The following MED1 variants were observed in gnomAD, a reference collection of about 807,000 sequenced individuals.
MED1 encodes mediator of RNA polymerase II transcription subunit 1.
In MED1, 17 loss-of-function variants were observed where a neutral mutation model predicts 121.3. The ratio of observed to expected loss-of-function variants is 0.14; its 90% CI spans 0.10 to 0.21. The LOEUF (loss-of-function observed/expected upper bound fraction) is 0.21. Among genes scored for constraint, MED1 ranks in the 10% least tolerant of loss-of-function variants. MED1 has a pLI of 1.00. For synonymous variants in MED1, 661 were observed against 694.4 expected (o/e 0.95, Z 0.76); for missense variants, 1,558 against 1,919.4 (o/e 0.81, Z 3.52).
chr17:39,431,241 T>C (rs989019767), intron 8 of MED1, 53 bp from the exon 9 acceptor site: 1 of 1,424,164 alleles, frequency 7.0e-7, no homozygotes, highest in Non-Finnish European at 9.9e-7. Context: ...ATGGTCTTGG[T>C]ACACACTGTG....
chr17:39,451,198 T>C lies in MED1; in HGVS notation c.-136A>G, dbSNP rs2048779506. On this transcript the variant is annotated 5_prime_UTR_variant, in exon 1 of 17. Transcript: ENST00000300651. ...CTACTCTTCCCGGGAAGGATCAATC[T>C]GAAGTCCCCGGCGGCAAGAAGAGAA... is the stretch of plus-strand genomic sequence containing the variant. The C allele has an allele frequency of 6.1e-6, 6 of 977,600 alleles. No homozygotes were observed. Among genetic ancestry groups the C allele is most frequent in the Non-Finnish European group, 9.2e-6 (6 of 649,492 alleles). The allele number at this position is 977,600 out of a possible 1,614,324, so 60.6% of individuals were successfully genotyped here.
At chr17:39,448,135 CTT>C (rs71353582) in intron 1 of MED1, among the ~76,000 whole-genome samples, 20 of 140,064 alleles carry the variant, frequency 1.4e-4, no homozygotes, top group Non-Finnish European at 1.7e-4. Context: ...ATCTATCCAC[CTT>C]TTTTTTTTTT....
At position 39,423,803 on chromosome 17, in the gene MED1, TGAG is replaced by T. The variant is rs1306980533; in HGVS notation, c.867_869del (p.Ser290del). 4 of 1,612,242 alleles carry T rather than the reference TGAG, an allele frequency of 2.5e-6. No individual in the cohort carries two copies. Among genetic ancestry groups the T allele is most frequent in the Admixed American group, 1.7e-5 (1 of 59,540 alleles). ...GATCAACACTGTTGGCACTGGTGAT[TGAG>T]GAGAAGGAAGGGGTCCTTCAAAAAA... On this transcript the variant is annotated inframe_deletion, in exon 12 of 17. Coordinates refer to ENST00000300651, the MANE Select transcript of MED1 (RefSeq NM_004774.4).
At chr17:39,428,143 G>A (rs2048532309) in intron 9 of MED1, among the ~76,000 whole-genome samples, 1 of 152,086 alleles carries the variant, frequency 6.6e-6, no homozygotes, top group Non-Finnish European at 1.5e-5. Context: ...GAGGAGAGAA[G>A]TTCAAGACCA....
At chr17:39,446,720 G>A (rs932797946) in intron 2 of MED1, among the ~76,000 whole-genome samples, 3 of 151,410 alleles carry the variant, frequency 2.0e-5, no homozygotes, top group Non-Finnish European at 4.4e-5. Context: ...GTTGCAGTGA[G>A]CCGAGATCGC....
At chr17:39,423,006 C>T (rs1355456536) in intron 13 of MED1, among the ~76,000 whole-genome samples, 1 of 151,196 alleles carries the variant, frequency 6.6e-6, no homozygotes, top group Non-Finnish European at 1.5e-5. Context: ...GCTGGGATTA[C>T]AGGCACCCGC....
intron 10 of MED1, among the ~76,000 whole-genome samples, chr17:39,426,673 T>A (rs961147550): frequency 6.6e-6 from 1 of 151,822 alleles, no homozygotes; most frequent in Non-Finnish European, 1.5e-5. Context: ...TAGCTGGGAT[T>A]ACAAGCATGG....
intron 1 of MED1, among the ~76,000 whole-genome samples, chr17:39,450,524 T>C (rs906329096): frequency 6.6e-6 from 1 of 152,190 alleles, no homozygotes; most frequent in African/African-American, 2.4e-5. Context: ...CTTAGTAAAG[T>C]TCCACAGAAA....
intron 13 of MED1, among the ~76,000 whole-genome samples, chr17:39,422,913 T>A (rs1466585225): frequency 1.5e-5 from 2 of 137,618 alleles, no homozygotes; most frequent in Admixed American, 1.6e-4. Flanking sequence ...TCACCCAGGC[T>A]GGAGCACAAT....
chr17:39,417,990 G>C (rs369379652), intron 14 of MED1, among the ~76,000 whole-genome samples: 9 of 149,484 alleles, frequency 6.0e-5, no homozygotes, highest in African/African-American at 2.0e-4. Flanking sequence ...AGAGGCTGAC[G>C]CAGGAGAATC....
At position 39,436,940 on chromosome 17, in the gene MED1, T is replaced by C. The variant is rs9901016; in HGVS notation, c.428+2225A>G. Among the ~76,000 whole-genome samples the C allele has an allele frequency of 3.3e-3, 499 of 151,978 alleles. 2 individuals carry two copies. Among genetic ancestry groups the C allele is most frequent in the African/African-American group, 0.012 (482 of 41,484 alleles). ...GAGCCACTATGCTCAGCTACTTTTT[T>C]TTTTTTTTTGAGACAGAGTTTTGTT... On this transcript the variant is annotated intron_variant, in intron 6 of 16. Coordinates refer to ENST00000300651, the MANE Select transcript of MED1 (RefSeq NM_004774.4).
Position 39,437,549 on chromosome 17 carries a change from A to G in MED1, c.428+1616T>C, listed in dbSNP as rs143165859. 5.9e-3 allele frequency among the ~76,000 whole-genome samples: 903 copies of G among 152,286 alleles called. 7 individuals carry two copies. Among genetic ancestry groups the G allele is most frequent in the African/African-American group, 0.02 (819 of 41,564 alleles). On this transcript the variant is annotated intron_variant, in intron 6 of 16. Transcript: ENST00000300651. ...CCACCCGGGAGCAAAGAATTTTCCAATCCAAATTGTCATTAGTACCAAGTT... is the reference window on the plus strand; with the variant it reads ...CCACCCGGGAGCAAAGAATTTTCCAGTCCAAATTGTCATTAGTACCAAGTT...
At position 39,447,612 on chromosome 17, in the gene MED1, G is replaced by A. The variant is rs113042638; in HGVS notation, c.132+186C>T. On this transcript the variant is annotated intron_variant, in intron 2 of 16. Coordinates refer to ENST00000300651, the MANE Select transcript of MED1 (RefSeq NM_004774.4). ...ACAATCCAAAATCTAAAACACTTCC[G>A]GTCCCAAGCATTTCATATAAGGGAT... Among the ~76,000 whole-genome samples the A allele has an allele frequency of 9.2e-3, 1,402 of 151,992 alleles. 19 individuals carry two copies. The highest frequency in any genetic ancestry group is 0.032 in the African/African-American group (1,324 of 41,478).
chr17:39,451,026 A>C lies in MED1; in HGVS notation c.25+12T>G, dbSNP rs1597879460. On this transcript the variant is annotated intron_variant, in intron 1 of 16. Coordinates refer to ENST00000300651, the MANE Select transcript of MED1 (RefSeq NM_004774.4). The stretch of plus-strand genomic sequence containing the variant: ...TGTGTCCCGCCCCCTCCTTTCCCCT[A>C]CAGTCACTTACCCTCGGTTTCCCCC... 3.1e-6 allele frequency: 5 copies of C among 1,605,850 alleles called. No individual in the cohort carries two copies. Among genetic ancestry groups the C allele is most frequent in the Non-Finnish European group, 4.3e-6 (5 of 1,176,060 alleles).
Position 39,407,931 on chromosome 17 carries a change from G to A in MED1, c.4290C>T (p.Asn1430=). ...GLRPQMASSK[N]YGSPLISGST... The stretch of plus-strand genomic sequence containing the variant: ...AACCACTGATGAGTGGAGAGCCATA[G>A]TTTTTAGAAGAAGCCATTTGAGGCC... Residue 1430 remains asparagine, a synonymous_variant, in exon 17 of 17, where the codon AAC becomes AAT. Coordinates refer to ENST00000300651, the MANE Select transcript of MED1 (RefSeq NM_004774.4). 6.2e-7 allele frequency: 1 copy of A among 1,614,138 alleles called. No individual in the cohort carries two copies. The highest frequency in any genetic ancestry group is 1.7e-5 in the Admixed American group (1 of 60,018).
At position 39,432,083 on chromosome 17, in the gene MED1, C is replaced by T. The variant is rs1597866832; in HGVS notation, c.501-67G>A. On this transcript the variant is annotated intron_variant, in intron 7 of 16. Transcript: ENST00000300651. ...ATATGACCAAGCGGGGTGGCTCAGC[C>T]TGTAATCCCAGCACCTTGGGAGGCT... 3 of 1,198,908 alleles carry T rather than the reference C, an allele frequency of 2.5e-6. No individual in the cohort carries two copies. The East Asian group carries it at 7.2e-5, about 29-fold the overall frequency. The allele number at this position is 1,198,908 out of a possible 1,614,324, so 74.3% of individuals were successfully genotyped here.
chr17:39,429,599 G>A (rs954761657), intron 9 of MED1, among the ~76,000 whole-genome samples: 1 of 150,552 alleles, frequency 6.6e-6, no homozygotes, highest in Non-Finnish European at 1.5e-5. Flanking sequence ...GGGAGGCTGA[G>A]GCAAGAGAAT....
chr17:39,420,262 C>T (rs1011190817), intron 13 of MED1, among the ~76,000 whole-genome samples: 9 of 144,556 alleles, frequency 6.2e-5, no homozygotes, highest in South Asian at 2.2e-4. Flanking sequence ...TGCAGTGGTG[C>T]GATCTCGGCT....
At position 39,407,128 on chromosome 17, in the gene MED1, G is replaced by C; in HGVS notation, c.*347C>G. The C allele has an allele frequency of 9.9e-7, 1 of 1,008,944 alleles. No homozygotes were observed. The highest frequency in any genetic ancestry group is 1.2e-6 in the Non-Finnish European group (1 of 845,344). The allele number at this position is 1,008,944 out of a possible 1,614,324, so 62.5% of individuals were successfully genotyped here. A position where few individuals can be genotyped will look rare whatever the true frequency, so the allele number is the denominator to read the frequency against. Reference sequence around the variant, plus strand: ...GAGTTTAAAACATGGCCTAAAAATGGAAAAAGGGAGAAGAAAATATATATG... The same window carrying C: ...GAGTTTAAAACATGGCCTAAAAATGCAAAAAGGGAGAAGAAAATATATATG... On this transcript the variant is annotated 3_prime_UTR_variant, in exon 17 of 17. Coordinates refer to ENST00000300651, the MANE Select transcript of MED1 (RefSeq NM_004774.4).
Sources: gnomAD v4.1 joint callset for allele counts (sites outside exome capture counted in the v4.1 genomes callset) on GRCh38, gnomAD v4.1.1 for gene constraint, MANE v1.5 for transcripts, NCBI Gene and HGNC (gene_info 2026-07-23, HGNC 2026-07-21) for gene names.